Variants in SLC35D2 observed in about 807,000 individuals in gnomAD.
The protein encoded by SLC35D2 is nucleotide sugar transporter SLC35D2.
In SLC35D2, 43 loss-of-function variants were observed where a neutral mutation model predicts 41.8. The observed-to-expected ratio is 1.03, with a 90% CI of 0.81 to 1.33. The LOEUF (loss-of-function observed/expected upper bound fraction) is 1.33. SLC35D2 is among the 40% of genes most tolerant of loss of function. The pLI is 0.00. For missense variants in SLC35D2, 380 were observed against 408.4 expected (o/e 0.93, Z 0.60); for synonymous variants, 150 against 163.9 (o/e 0.92, Z 0.65).
At chr9:96,359,265 C>T (rs1830166013) in intron 4 of SLC35D2, among the ~76,000 whole-genome samples, 1 of 75,514 alleles carries the variant, frequency 1.3e-5, no homozygotes, top group Non-Finnish European at 2.2e-5. Context: ...GATTGTGCCA[C>T]TGCACTCACT....
At chr9:96,354,628 C>T (rs531542922) in intron 4 of SLC35D2, among the ~76,000 whole-genome samples, 51 of 151,860 alleles carry the variant, frequency 3.4e-4, no homozygotes, top group African/African-American at 1.2e-3. Flanking sequence ...ATTAGCTGGA[C>T]GTAGTGGTGC....
intron 2 of SLC35D2, among the ~76,000 whole-genome samples, chr9:96,365,277 A>G (rs1830434418): frequency 1.3e-5 from 2 of 152,014 alleles, no homozygotes; most frequent in Non-Finnish European, 2.9e-5. Context: ...CTGAGCCCGG[A>G]AAGTCAAGGC....
Position 96,340,385 on chromosome 9 carries a change from G to A in SLC35D2, c.684+3519C>T, listed in dbSNP as rs111832691. On this transcript the variant is annotated intron_variant, in intron 8 of 11. Transcript: ENST00000253270. The stretch of plus-strand genomic sequence containing the variant: ...TGTAATTCTAGCATTTTGGAAGGCC[G>A]AGGCGGGCAGATCACGAGGTCAGGA... Among the ~76,000 whole-genome samples, 383 of 152,026 alleles carry A rather than the reference G, an allele frequency of 2.5e-3. 1 individual carries two copies. Among genetic ancestry groups the A allele is most frequent in the African/African-American group, 8.5e-3 (354 of 41,486 alleles).
chr9:96,372,907 G>GTT (rs111536756), intron 1 of SLC35D2, among the ~76,000 whole-genome samples: 5 of 134,050 alleles, frequency 3.7e-5, no homozygotes, highest in East Asian at 4.4e-4. Context: ...TTGTTTTTTT[G>GTT]TTTTTTTTTT....
intron 9 of SLC35D2, among the ~76,000 whole-genome samples, chr9:96,327,159 C>T (rs1196695910): frequency 6.6e-6 from 1 of 152,228 alleles, no homozygotes; most frequent in Non-Finnish European, 1.5e-5. Flanking sequence ...CATGGATGTT[C>T]TTTATTTCCA....
At chr9:96,383,400 G>T (rs1340987817) in intron 1 of SLC35D2, 77 bp downstream of exon 1, 2 of 1,241,000 alleles carry the variant, frequency 1.6e-6, no homozygotes, top group Non-Finnish European at 2.2e-6. Flanking sequence ...GCCCTGTCCC[G>T]GGCGCCGCTG....
intron 4 of SLC35D2, 136 bp downstream of exon 4, chr9:96,360,018 T>C (rs1034090975): frequency 3.8e-6 from 2 of 524,456 alleles, no homozygotes; most frequent in African/African-American, 3.8e-5. Context: ...TCCACCTTAC[T>C]TTCTTAAACT....
At chr9:96,375,925 C>A (rs1255389485) in intron 1 of SLC35D2, among the ~76,000 whole-genome samples, 2 of 152,088 alleles carry the variant, frequency 1.3e-5, no homozygotes, top group East Asian at 3.9e-4. Flanking sequence ...CTTTGGGAGG[C>A]CGAGGCAGGT....
chr9:96,347,517 G>GC (rs1735147880), intron 6 of SLC35D2, among the ~76,000 whole-genome samples: 1 of 152,162 alleles, frequency 6.6e-6, no homozygotes, highest in African/African-American at 2.4e-5. Flanking sequence ...GGGACTACAG[G>GC]CATGTGCCAC....
intron 10 of SLC35D2, among the ~76,000 whole-genome samples, chr9:96,322,569 A>G (rs556063408): frequency 2.0e-5 from 3 of 152,290 alleles, no homozygotes; most frequent in African/African-American, 7.2e-5. Context: ...AAATAAATGC[A>G]GTAAATTATG....
intron 1 of SLC35D2, among the ~76,000 whole-genome samples, chr9:96,381,238 C>G (rs1366294397): frequency 6.6e-6 from 1 of 152,252 alleles, no homozygotes; most frequent in African/African-American, 2.4e-5. Flanking sequence ...ACCCTGGTCC[C>G]CAGATGTCGG....
intron 6 of SLC35D2, among the ~76,000 whole-genome samples, chr9:96,346,342 A>C (rs1486329201): frequency 6.6e-6 from 1 of 152,232 alleles, no homozygotes; most frequent in Non-Finnish European, 1.5e-5. Flanking sequence ...AAATTGTGTA[A>C]TTGTTAGAAA....
intron 2 of SLC35D2, 121 bp downstream of exon 2, chr9:96,368,151 C>G (rs1830547918): frequency 1.6e-6 from 1 of 628,222 alleles, no homozygotes. Context: ...AGTACCATGA[C>G]CCTCTGGTCC....
At chr9:96,324,570 G>A (rs117250912) in intron 9 of SLC35D2, among the ~76,000 whole-genome samples, 6,766 of 118,718 alleles carry the variant, frequency 0.057, 579 homozygotes, top group East Asian at 0.15. Context: ...TTTTTTTGGT[G>A]GGGACGGAGT....
At position 96,348,144 on chromosome 9, in the gene SLC35D2, T is replaced by C. The variant is rs144406224; in HGVS notation, c.489-2743A>G. Among the ~76,000 whole-genome samples the C allele has an allele frequency of 5.6e-3, 852 of 152,298 alleles. 9 individuals are homozygous for C. Among genetic ancestry groups the C allele is most frequent in the African/African-American group, 0.019 (779 of 41,556 alleles). On this transcript the variant is annotated intron_variant, in intron 6 of 11. Coordinates refer to ENST00000253270, the MANE Select transcript of SLC35D2 (RefSeq NM_007001.3). ...TTTCTTCCACAAGATCCAAGAACCC[T>C]CTCTTGGGGTCTGGATCAGGACCCT...
At chr9:96,358,080 T>TTTTATATATATATATATATA (rs990002916) in intron 4 of SLC35D2, among the ~76,000 whole-genome samples, 1 of 122,712 alleles carries the variant, frequency 8.1e-6, no homozygotes, top group African/African-American at 3.9e-5. Flanking sequence ...ATTATATATT[T>TTTTATATATATATATATATA]TATATATATA....
At chr9:96,380,415 A>G (rs1322806371) in intron 1 of SLC35D2, among the ~76,000 whole-genome samples, 1 of 150,228 alleles carries the variant, frequency 6.7e-6, no homozygotes, top group African/African-American at 2.5e-5. Flanking sequence ...ATGACTGGCC[A>G]CTCCCAAACA....
intron 1 of SLC35D2, among the ~76,000 whole-genome samples, chr9:96,376,778 G>A (rs1830980197): frequency 6.6e-6 from 1 of 151,190 alleles, no homozygotes. Context: ...GCTAATTTTT[G>A]TATTTTTAGT....
Position 96,344,317 on chromosome 9 carries a change from C to A in SLC35D2, c.592-321G>T, listed in dbSNP as rs901486211. 5.9e-5 allele frequency among the ~76,000 whole-genome samples: 9 copies of A among 151,334 alleles called. No individual in the cohort carries two copies. The South Asian group carries it at 8.4e-4, about 14-fold the overall frequency. On this transcript the variant is annotated intron_variant, in intron 7 of 11. Coordinates refer to ENST00000253270, the MANE Select transcript of SLC35D2 (RefSeq NM_007001.3). The stretch of plus-strand genomic sequence containing the variant: ...GTAATTCAAAATGGGAAATCTGGAA[C>A]AAAATAAAGAACATTAAAAATGTTA...
Sources: allele counts gnomAD v4.1 joint callset (sites outside exome capture counted in the v4.1 genomes callset), GRCh38; gene constraint gnomAD v4.1.1; transcripts MANE v1.5; gene names NCBI Gene and HGNC (gene_info 2026-07-23, HGNC 2026-07-21).